Variants in TFEC observed in about 807,000 individuals in gnomAD.
The protein encoded by TFEC is transcription factor EC, also known as class E basic helix-loop-helix protein 34.
A neutral mutation model predicts 41.6 loss-of-function variants in TFEC; 31 were observed. That is an observed-to-expected ratio of 0.74 (90% CI 0.56 to 1.01). The LOEUF (loss-of-function observed/expected upper bound fraction) is 1.01. TFEC is among the 50% of genes least tolerant of loss of function. The probability of loss-of-function intolerance (pLI) is 0.00; values close to 1 mark genes in which losing one functional copy is unlikely to be tolerated. For missense variants in TFEC, 402 were observed against 404.1 expected, an observed-to-expected ratio of 0.99 and a Z score of 0.04; for synonymous variants, 143 against 140.6, an observed-to-expected ratio of 1.02 and a Z score of -0.12.
At chr7:115,967,560 G>A (rs774821537) in intron 3 of TFEC, among the ~76,000 whole-genome samples, 1 of 151,682 alleles carries the variant, frequency 6.6e-6, no homozygotes, top group Non-Finnish European at 1.5e-5. Context: ...CTCTAAATTT[G>A]TTTTCTTTGC....
intron 7 of TFEC, chr7:115,941,630 T>C (rs926752140): frequency 8.8e-5 from 37 of 418,620 alleles, no homozygotes; most frequent in Non-Finnish European, 1.3e-4. Flanking sequence ...TATATATACA[T>C]GCACACATAC....
rs894720467 is a variant in TFEC, at chr7:115,942,167, T to G, written c.516-127A>C. On this transcript the variant is annotated intron_variant, in intron 6 of 7. Transcript: ENST00000265440. ...ACTATTATTCACTCTTAGATATTAT[T>G]GCTTCTGAATAGAAATTTTAATAGA... 5.4e-5 allele frequency: 51 copies of G among 940,154 alleles called. 2 individuals are homozygous for G. The highest frequency in any genetic ancestry group is 4.8e-4 in the Admixed American group (15 of 31,452). 58.2% of individuals were successfully genotyped at this position (940,154 alleles called of 1,614,324 possible).
chr7:116,130,045 AACACACACACACAC>A (rs56872188), intron 1 of TFEC, among the ~76,000 whole-genome samples: 12 of 142,156 alleles, frequency 8.4e-5, no homozygotes, highest in Non-Finnish European at 1.2e-4. Context: ...AACATGCAAG[AACACACACACACAC>A]ACACACACAC....
At chr7:116,147,617 A>C (rs1376474220) in intron 1 of TFEC, among the ~76,000 whole-genome samples, 1 of 128,622 alleles carries the variant, frequency 7.8e-6, no homozygotes, top group Non-Finnish European at 1.5e-5. Context: ...AAGTGTTCTC[A>C]TTGTTCAATT....
chr7:115,973,334 C>T (rs2130595348), intron 3 of TFEC, among the ~76,000 whole-genome samples: 1 of 151,988 alleles, frequency 6.6e-6, no homozygotes, highest in Admixed American at 6.6e-5. Context: ...GTAGTCTAGC[C>T]TATTGACTTA....
chr7:116,087,043 A>G (rs1370085117), intron 3 of TFEC, among the ~76,000 whole-genome samples: 2 of 151,920 alleles, frequency 1.3e-5, no homozygotes, highest in East Asian at 3.9e-4. Context: ...GTCTCCCACA[A>G]TTTAAACCAT....
chr7:115,998,721 A>C (rs1274820063), intron 1 of TFEC, among the ~76,000 whole-genome samples: 1 of 152,074 alleles, frequency 6.6e-6, no homozygotes, highest in African/African-American at 2.4e-5. Flanking sequence ...AAAAAGGTGT[A>C]AGAAGAGACA....
intron 3 of TFEC, among the ~76,000 whole-genome samples, chr7:116,083,417 C>G (rs1345757011): frequency 2.0e-5 from 3 of 151,824 alleles, no homozygotes; most frequent in Admixed American, 6.6e-5. Flanking sequence ...TAGAATAATT[C>G]AGAACACTTA....
At chr7:115,974,344 C>T (rs1793272471) in intron 2 of TFEC, 88 bp from the exon 3 acceptor site, 2 of 953,278 alleles carry the variant, frequency 2.1e-6, no homozygotes, top group Non-Finnish European at 2.8e-6. Context: ...TTCTAGCAAT[C>T]TTTAAAAGTT....
At chr7:115,983,364 A>T (rs1000131745) in intron 2 of TFEC, among the ~76,000 whole-genome samples, 2 of 152,018 alleles carry the variant, frequency 1.3e-5, no homozygotes, top group African/African-American at 4.8e-5. Flanking sequence ...ATCATTTGGA[A>T]TTTAAATAAT....
chr7:115,967,851 C>G (rs61446197), intron 3 of TFEC, among the ~76,000 whole-genome samples: 2,749 of 151,670 alleles, frequency 0.018, 90 homozygotes, highest in African/African-American at 0.063. Flanking sequence ...ATACATATGA[C>G]CTATTTAGTA....
intron 3 of TFEC, among the ~76,000 whole-genome samples, chr7:116,090,677 A>G (rs925765991): frequency 4.6e-5 from 7 of 152,150 alleles, no homozygotes; most frequent in African/African-American, 1.4e-4. Context: ...ATATAAGATT[A>G]TATTTTATCT....
At chr7:116,159,458 C>G (rs551077461) in intron 1 of TFEC, among the ~76,000 whole-genome samples, 2 of 152,062 alleles carry the variant, frequency 1.3e-5, no homozygotes, top group South Asian at 2.1e-4. Context: ...CGCCAATTCT[C>G]TATAAACTTC....
rs577369391 is a variant in TFEC, at chr7:115,942,303, T to C, written c.516-263A>G. 2.0e-5 allele frequency among the ~76,000 whole-genome samples: 3 copies of C among 152,154 alleles called. No individual in the cohort carries two copies. The South Asian group carries it at 6.2e-4, about 32-fold the overall frequency. Reference sequence around the variant, plus strand: ...AGAGCTAAATGCAATATCATGATTCTACCATTACAGTTTTTATATTTTTAG... The same window carrying C: ...AGAGCTAAATGCAATATCATGATTCCACCATTACAGTTTTTATATTTTTAG... On this transcript the variant is annotated intron_variant, in intron 6 of 7. Coordinates refer to ENST00000265440, the MANE Select transcript of TFEC (RefSeq NM_012252.4).
At chr7:115,974,101 C>A in intron 3 of TFEC, 69 bp downstream of exon 3, 6 of 1,295,224 alleles carry the variant, frequency 4.6e-6, no homozygotes, top group Non-Finnish European at 5.3e-6. Context: ...AGTTGCTAAT[C>A]AAATATTTTT....
At chr7:116,009,210 A>G (rs1361018625) in intron 1 of TFEC, among the ~76,000 whole-genome samples, 1 of 152,182 alleles carries the variant, frequency 6.6e-6, no homozygotes, top group Non-Finnish European at 1.5e-5. Context: ...TACCAGCAAT[A>G]ACCATGGTTT....
At chr7:116,116,579 G>A (rs757139563) in intron 1 of TFEC, among the ~76,000 whole-genome samples, 1 of 151,840 alleles carries the variant, frequency 6.6e-6, no homozygotes. Context: ...ACAATGAGAG[G>A]AATATTAAAA....
chr7:115,945,466 G>A (rs751542017), intron 6 of TFEC, among the ~76,000 whole-genome samples: 13 of 151,594 alleles, frequency 8.6e-5, no homozygotes, highest in Non-Finnish European at 1.8e-4. Flanking sequence ...CCTAAAGAGG[G>A]ACACTGGAGT....
chr7:115,998,730 C>A (rs1794467508), intron 1 of TFEC, among the ~76,000 whole-genome samples: 1 of 151,688 alleles, frequency 6.6e-6, no homozygotes, highest in African/African-American at 2.4e-5. Flanking sequence ...TAAGAAGAGA[C>A]AAAGAAGGTC....
Sources: allele counts gnomAD v4.1 joint callset (sites outside exome capture counted in the v4.1 genomes callset), GRCh38; gene constraint gnomAD v4.1.1; transcripts MANE v1.5; gene names NCBI Gene and HGNC (gene_info 2026-07-23, HGNC 2026-07-21).